The following RBFOX3 variants were observed in gnomAD, a reference collection of about 807,000 sequenced individuals.
RBFOX3 encodes RNA binding protein fox-1 homolog 3.
A neutral mutation model predicts 48.7 loss-of-function variants in RBFOX3; 17 were observed. That is an observed-to-expected ratio of 0.35 (90% CI 0.24 to 0.52). The LOEUF is 0.52. Among genes scored for constraint, RBFOX3 ranks in the 20% least tolerant of loss-of-function variants. RBFOX3 has a pLI of 0.94. For missense variants in RBFOX3, 382 were observed against 497.5 expected (o/e 0.77, Z 2.21); for synonymous variants, 212 against 209.5 (o/e 1.01, Z -0.10).
chr17:79,386,676 C>T (rs1401653593), intron 2 of RBFOX3, among the ~76,000 whole-genome samples: 1 of 152,236 alleles, frequency 6.6e-6, no homozygotes, highest in Non-Finnish European at 1.5e-5. Flanking sequence ...GGAGTTCCTT[C>T]CCCACCCGAC....
At chr17:79,463,238 GCCATCGCCACTGCCACCTCCA>G (rs2075713085) in intron 2 of RBFOX3, among the ~76,000 whole-genome samples, 5 of 90,122 alleles carry the variant, frequency 5.5e-5, no homozygotes, top group Admixed American at 3.5e-4. Context: ...CACTGCCACT[GCCATCGCCACTGCCACCTCCA>G]CCATCGCCAC....
intron 1 of RBFOX3, among the ~76,000 whole-genome samples, chr17:79,591,854 G>C (rs905726706): frequency 9.3e-5 from 14 of 150,720 alleles, no homozygotes; most frequent in Middle Eastern, 3.4e-3. Context: ...GGGTGTGCAC[G>C]TGTGGAGGGT....
chr17:79,217,811 A>G (rs1194807802), intron 4 of RBFOX3, among the ~76,000 whole-genome samples: 1 of 152,144 alleles, frequency 6.6e-6, no homozygotes, highest in East Asian at 1.9e-4. Context: ...AACAAGCCCA[A>G]AGGAGAACAC....
At chr17:79,162,694 T>C (rs2047209130) in intron 4 of RBFOX3, among the ~76,000 whole-genome samples, 1 of 151,590 alleles carries the variant, frequency 6.6e-6, no homozygotes, top group South Asian at 2.1e-4. Flanking sequence ...TAAGGACTAA[T>C]CAGACATTTG....
chr17:79,404,297 C>G (rs1033906778), intron 2 of RBFOX3, among the ~76,000 whole-genome samples: 7 of 152,092 alleles, frequency 4.6e-5, no homozygotes, highest in Non-Finnish European at 8.8e-5. Context: ...CACCAGGGGC[C>G]TGGCTAGGCA....
chr17:79,643,629 A>T, the RBFOX3 span, among the ~76,000 whole-genome samples: 2 of 152,214 alleles, frequency 1.3e-5, no homozygotes, highest in Non-Finnish European at 2.9e-5. Flanking sequence ...AATTGATGAC[A>T]ATAAGATATA....
chr17:79,270,192 C>T (rs2067416110), intron 3 of RBFOX3, among the ~76,000 whole-genome samples: 2 of 152,212 alleles, frequency 1.3e-5, no homozygotes, highest in Admixed American at 1.3e-4. Context: ...ATTCCCTGCT[C>T]CCTTTTTCCC....
chr17:79,159,910 C>T (rs983380538), intron 4 of RBFOX3, among the ~76,000 whole-genome samples: 2 of 152,214 alleles, frequency 1.3e-5, no homozygotes, highest in Middle Eastern at 3.2e-3. Flanking sequence ...AGGGTGCATG[C>T]GTGTCCGCCG....
chr17:79,525,021 C>T (rs2086613651), intron 1 of RBFOX3, among the ~76,000 whole-genome samples: 1 of 152,222 alleles, frequency 6.6e-6, no homozygotes, highest in Non-Finnish European at 1.5e-5. Flanking sequence ...CAACACCCTG[C>T]CATGTTCCTC....
At chr17:79,342,803 T>C (rs2082304720) in intron 2 of RBFOX3, among the ~76,000 whole-genome samples, 1 of 152,070 alleles carries the variant, frequency 6.6e-6, no homozygotes, top group Non-Finnish European at 1.5e-5. Flanking sequence ...AATAAGAAAA[T>C]CTGCACTTAA....
intron 1 of RBFOX3, among the ~76,000 whole-genome samples, chr17:79,529,396 A>G (rs1002680360): frequency 4.6e-5 from 7 of 152,332 alleles, no homozygotes; most frequent in Admixed American, 1.3e-4. Flanking sequence ...TGTCCCTTCT[A>G]GTCCTATGTT....
chr17:79,658,807 G>A, the RBFOX3 span, among the ~76,000 whole-genome samples: 49 of 152,238 alleles, frequency 3.2e-4, no homozygotes, highest in African/African-American at 1.1e-3. Context: ...TGAAAACACA[G>A]AAACAAGAGC....
At chr17:79,637,585 C>T in the RBFOX3 span, among the ~76,000 whole-genome samples, 26 of 151,724 alleles carry the variant, frequency 1.7e-4, no homozygotes, top group Non-Finnish European at 2.9e-4. Context: ...ATCCCAGCTA[C>T]TCAGGAGGAT....
rs113570734 is a variant in RBFOX3, at chr17:79,137,499, T to G, written c.-33-21751A>C. 5.1e-3 allele frequency among the ~76,000 whole-genome samples: 771 copies of G among 152,258 alleles called. 6 individuals carry two copies. Among genetic ancestry groups the G allele is most frequent in the African/African-American group, 0.018 (733 of 41,560 alleles). Reference sequence around the variant, plus strand: ...CACACACACGCGCCTGCAGTGATCGTGCACGCAGCAGTGCACCTGCACACC... The same window carrying G: ...CACACACACGCGCCTGCAGTGATCGGGCACGCAGCAGTGCACCTGCACACC... On this transcript the variant is annotated intron_variant, in intron 4 of 14. Transcript: ENST00000693108.
At chr17:79,351,536 G>A (rs1370310862) in intron 2 of RBFOX3, among the ~76,000 whole-genome samples, 1 of 152,168 alleles carries the variant, frequency 6.6e-6, no homozygotes, top group Admixed American at 6.5e-5. Flanking sequence ...ATCTTACTGT[G>A]TGCCAGGTGG....
chr17:79,168,241 C>T (rs1316062699), intron 4 of RBFOX3, among the ~76,000 whole-genome samples: 1 of 152,208 alleles, frequency 6.6e-6, no homozygotes, highest in Non-Finnish European at 1.5e-5. Flanking sequence ...GGGTGGGTCC[C>T]CCACTGGGCA....
At chr17:79,278,489 G>A (rs1408370021) in intron 3 of RBFOX3, among the ~76,000 whole-genome samples, 1 of 152,166 alleles carries the variant, frequency 6.6e-6, no homozygotes, top group African/African-American at 2.4e-5. Context: ...GGTGCCCCCT[G>A]CCCAGCTGCC....
chr17:79,267,643 A>G (rs2066938446), intron 3 of RBFOX3, among the ~76,000 whole-genome samples: 1 of 152,086 alleles, frequency 6.6e-6, no homozygotes, highest in Admixed American at 6.6e-5. Context: ...CACCTGCCTC[A>G]GTCTCCCAAA....
rs562773250 is a variant in RBFOX3, at chr17:79,182,994, C to T, written c.-34+52772G>A. 2.6e-5 allele frequency among the ~76,000 whole-genome samples: 4 copies of T among 151,088 alleles called. No homozygotes were observed. In the South Asian group the frequency reaches 6.2e-4, roughly 23 times the overall value. On this transcript the variant is annotated intron_variant, in intron 4 of 14. Transcript: ENST00000693108. ...TTCCCCGGAGACTCCGCCCGCCGCC[C>T]CCTCCCGCGCCTTCGGAAAAGTTGC...
Sources: gnomAD v4.1 joint callset for allele counts (sites outside exome capture counted in the v4.1 genomes callset) on GRCh38, gnomAD v4.1.1 for gene constraint, MANE v1.5 for transcripts, NCBI Gene and HGNC (gene_info 2026-07-23, HGNC 2026-07-21) for gene names.